PRDM14: variants seen among roughly 807,000 people sequenced by gnomAD.
PRDM14 encodes the protein PR/SET domain 14, also known as PR domain zinc finger protein 14.
Under a neutral mutation model 48.0 loss-of-function variants are expected in PRDM14, and 16 were observed. The ratio of observed to expected loss-of-function variants is 0.33; its 90% CI spans 0.23 to 0.51. The LOEUF (loss-of-function observed/expected upper bound fraction) is 0.51. Ranked by LOEUF, PRDM14 falls within the 20% of genes least tolerant of loss-of-function variation. The pLI is 0.97. For synonymous variants in PRDM14, 264 were observed against 276.6 expected (o/e 0.95, Z 0.45); for missense variants, 566 against 719.6 (o/e 0.79, Z 2.44).
chr8:70,067,792 T>A (rs1805696798), intron 4 of PRDM14, among the ~76,000 whole-genome samples: 1 of 152,166 alleles, frequency 6.6e-6, no homozygotes, highest in African/African-American at 2.4e-5. Flanking sequence ...CCCTAATATA[T>A]CATCACTAGA....
chr8:70,052,310 G>T lies in PRDM14; in HGVS notation c.1489-6C>A. ...ATGCTGGAGGCTGTGAACCTCTGCA[G>T]AGAACAGAAATACAGAACACAAGAA... On this transcript the variant is annotated splice_region_variant and splice_polypyrimidine_tract_variant and intron_variant, in intron 7 of 7. Coordinates refer to ENST00000276594, the MANE Select transcript of PRDM14 (RefSeq NM_024504.4). 1 of 1,602,824 alleles carries T rather than the reference G, an allele frequency of 6.2e-7. No homozygotes were observed. Among genetic ancestry groups the T allele is most frequent in the Non-Finnish European group, 8.5e-7 (1 of 1,172,030 alleles).
At position 70,051,870 on chromosome 8, in the gene PRDM14, C is replaced by T. The variant is rs1360789738; in HGVS notation, c.*207G>A. The T allele has an allele frequency of 1.9e-6, 1 of 513,406 alleles. No individual in the cohort carries two copies. Among genetic ancestry groups the T allele is most frequent in the African/African-American group, 1.9e-5 (1 of 52,518 alleles). 31.8% of individuals were successfully genotyped at this position (513,406 alleles called of 1,614,324 possible). On this transcript the variant is annotated 3_prime_UTR_variant, in exon 8 of 8. Coordinates refer to ENST00000276594, the MANE Select transcript of PRDM14 (RefSeq NM_024504.4). ...CACAGCAACCTCCGTCTCCTGTGCT[C>T]AAACCATCCTGCCACCTCGACCTCC... is the stretch of plus-strand genomic sequence containing the variant.
At chr8:70,055,501 A>ATTT in intron 6 of PRDM14, 100 bp from the exon 7 acceptor site, 1 of 598,658 alleles carries the variant, frequency 1.7e-6, no homozygotes, top group South Asian at 2.1e-5. Context: ...CTCTTTTCCA[A>ATTT]TTTTTTTCTT....
intron 1 of PRDM14, among the ~76,000 whole-genome samples, chr8:70,070,812 G>A (rs1805754255): frequency 6.6e-6 from 1 of 152,228 alleles, no homozygotes; most frequent in Non-Finnish European, 1.5e-5. Context: ...CAAGTTCACC[G>A]AGGCTGAAGA....
rs1353874110 is a variant in PRDM14, at chr8:70,068,544, C to T, written c.701-12G>A. ...AAGAGAATCAGATCCTAGCAAAAGGCAGGTTAAAACAATTTTTCATTAAAA... is the reference window on the plus strand; with the variant it reads ...AAGAGAATCAGATCCTAGCAAAAGGTAGGTTAAAACAATTTTTCATTAAAA... On this transcript the variant is annotated splice_polypyrimidine_tract_variant and intron_variant, in intron 2 of 7. Coordinates refer to ENST00000276594, the MANE Select transcript of PRDM14 (RefSeq NM_024504.4). The T allele has an allele frequency of 1.9e-6, 3 of 1,613,244 alleles. No homozygotes were observed. The highest frequency in any genetic ancestry group is 1.7e-4 in the Middle Eastern group (1 of 6,048).
intron 5 of PRDM14, among the ~76,000 whole-genome samples, chr8:70,061,918 A>T (rs1245297946): frequency 6.6e-6 from 1 of 151,948 alleles, no homozygotes; most frequent in Non-Finnish European, 1.5e-5. Context: ...TAGAGTCTAG[A>T]CCCTTCCCTC....
chr8:70,055,487 A>C (rs1242279876), intron 6 of PRDM14, 86 bp from the exon 7 acceptor site: 1 of 741,606 alleles, frequency 1.3e-6, no homozygotes, highest in Admixed American at 2.5e-5. Flanking sequence ...GGGTTAGAGA[A>C]GAACTCTTTT....
chr8:70,069,053 C>T (rs1805718327), intron 2 of PRDM14, 108 bp downstream of exon 2: 11 of 873,080 alleles, frequency 1.3e-5, no homozygotes, highest in Middle Eastern at 2.7e-4. Context: ...TCCCCCTTCC[C>T]GCACTCTGCA....
chr8:70,068,143 A>T, intron 4 of PRDM14, 87 bp downstream of exon 4: 3 of 1,445,924 alleles, frequency 2.1e-6, no homozygotes, highest in Non-Finnish European at 2.9e-6. Flanking sequence ...TCTGACCAGG[A>T]CTCTCCCAAA....
At chr8:70,068,047 T>C (rs2131042951) in intron 4 of PRDM14, among the ~76,000 whole-genome samples, 183 bp downstream of exon 4, 2 of 152,166 alleles carry the variant, frequency 1.3e-5, no homozygotes, top group South Asian at 4.1e-4. Context: ...CATGCAGAGG[T>C]GCTATCCTCA....
chr8:70,057,623 C>T (rs924380937), intron 6 of PRDM14, among the ~76,000 whole-genome samples: 1 of 152,182 alleles, frequency 6.6e-6, no homozygotes, highest in South Asian at 2.1e-4. Flanking sequence ...TGAGCCACTG[C>T]GCCTGGCCAG....
rs147971373 is a variant in PRDM14, at chr8:70,053,246, A to G, written c.1489-942T>C. Among the ~76,000 whole-genome samples, 5 of 152,264 alleles carry G rather than the reference A, an allele frequency of 3.3e-5. No homozygotes were observed. The East Asian group carries it at 9.6e-4, about 29-fold the overall frequency. On this transcript the variant is annotated intron_variant, in intron 7 of 7. Transcript: ENST00000276594. ...AGGATCATACTTCAAGACAAACCTC[A>G]TTACAGAAAGAGAAGCTAATATCGA...
At chr8:70,068,764 T>C (rs559951799) in intron 2 of PRDM14, among the ~76,000 whole-genome samples, 1 of 152,316 alleles carries the variant, frequency 6.6e-6, no homozygotes, top group East Asian at 1.9e-4. Flanking sequence ...CATGGAAGTT[T>C]ATGTAATTAA....
In PRDM14 at chr8:70,051,958, G is replaced by C; in HGVS notation, c.*119C>G. On this transcript the variant is annotated 3_prime_UTR_variant, in exon 8 of 8. Transcript: ENST00000276594. ...AGCTGATTTTTGTATTTTTTTGGTA[G>C]AGACAGGATTTCACCATGTTGCCCA... 1 of 665,234 alleles carries C rather than the reference G, an allele frequency of 1.5e-6. No individual in the cohort carries two copies. The highest frequency in any genetic ancestry group is 2.9e-5 in the Admixed American group (1 of 35,036). The allele number at this position is 665,234 out of a possible 1,614,324, so 41.2% of individuals were successfully genotyped here.
chr8:70,069,214 G>A lies in PRDM14; in HGVS notation c.647C>T (p.Pro216Leu). 1.3e-6 allele frequency: 2 copies of A among 1,568,394 alleles called. No homozygotes were observed. The highest frequency in any genetic ancestry group is 1.8e-5 in the Admixed American group (1 of 55,518). The change falls in exon 2 of 8, where the codon CCA becomes CTA. Residue 216 changes from proline (P) to leucine (L), a missense_variant. Physicochemically the swap from Pro to Leu is moderately conservative, Grantham distance 98 (BLOSUM62 -3). Around this residue, in one of 3 missense-constraint regions of PRDM14, gnomAD observed 410 missense variants for 424.6 expected, o/e 0.97. Transcript: ENST00000276594. The part of the protein sequence containing the change: ...LYGVTPSLEH[P>L]ASLHHAISGL... ...TGAAATCGCATGGTGCAGGCTGGCT[G>A]GGTGCTCCAGGCTGGGAGTGACCCC...
At chr8:70,064,403 T>C (rs1174792052) in intron 5 of PRDM14, among the ~76,000 whole-genome samples, 1 of 152,110 alleles carries the variant, frequency 6.6e-6, no homozygotes, top group Non-Finnish European at 1.5e-5. Flanking sequence ...AGTTCTAATG[T>C]CTTCCTCTCA....
chr8:70,069,554 G>A lies in PRDM14; in HGVS notation c.307C>T (p.Pro103Ser), dbSNP rs889703632. 1 of 1,608,798 alleles carries A rather than the reference G, an allele frequency of 6.2e-7. No individual in the cohort carries two copies. The highest frequency in any genetic ancestry group is 8.5e-7 in the Non-Finnish European group (1 of 1,177,634). Residue 103 changes from proline to serine, a missense_variant, in exon 2 of 8, where the codon CCA (proline) becomes TCA (serine). Pro to Ser is a moderately conservative substitution (Grantham distance 74, BLOSUM62 -1). Coordinates refer to ENST00000276594, the MANE Select transcript of PRDM14 (RefSeq NM_024504.4). ...ACTTCCCTGGGGACGTGGGGAATTG[G>A]GTACCACGGTGGCAGCTTGCTGTAC... ...PWYSKLPPWYPIPHVPREVPP... is the reference protein window; with the variant it reads ...PWYSKLPPWYSIPHVPREVPP...
At chr8:70,053,417 A>G (rs909147847) in intron 7 of PRDM14, among the ~76,000 whole-genome samples, 9 of 151,820 alleles carry the variant, frequency 5.9e-5, no homozygotes, top group African/African-American at 1.9e-4. Flanking sequence ...TTGAGACAGA[A>G]TCTCACTCCA....
chr8:70,053,335 C>T (rs1805420182), intron 7 of PRDM14, among the ~76,000 whole-genome samples: 1 of 151,740 alleles, frequency 6.6e-6, no homozygotes, highest in Non-Finnish European at 1.5e-5. Context: ...TCTTCTTCTT[C>T]TTCTTCTTTT....
Sources: gnomAD v4.1 joint callset for allele counts (sites outside exome capture counted in the v4.1 genomes callset) on GRCh38, gnomAD v4.1.1 for gene constraint, gnomAD v4.1.1 regional missense constraint, MANE v1.5 for transcripts, NCBI Gene and HGNC (gene_info 2026-07-23, HGNC 2026-07-21) for gene names.